Variants in PRMT8 observed in about 807,000 individuals in gnomAD.
PRMT8 encodes the protein protein arginine N-methyltransferase 8.
PRMT8 carries 7 observed loss-of-function variants against 47.1 expected under a neutral mutation model. The observed-to-expected ratio is 0.15, with a 90% CI of 0.08 to 0.28. PRMT8 has a LOEUF of 0.28. Ranked by LOEUF, PRMT8 falls within the 10% of genes least tolerant of loss-of-function variation. The pLI is 1.00. For missense variants in PRMT8, 237 were observed against 505.4 expected (o/e 0.47, Z 5.09); for synonymous variants, 188 against 186.5 (o/e 1.01, Z -0.07).
chr12:3,427,801 C>G (rs865800654), intron 1 of PRMT8, among the ~76,000 whole-genome samples: 2 of 151,956 alleles, frequency 1.3e-5, no homozygotes, highest in Admixed American at 6.6e-5. Flanking sequence ...TACCATATAA[C>G]TTTTTTTTAC....
intron 1 of PRMT8, among the ~76,000 whole-genome samples, chr12:3,427,173 T>A (rs1478122689): frequency 2.0e-5 from 3 of 152,212 alleles, no homozygotes; most frequent in African/African-American, 7.2e-5. Flanking sequence ...ATGATTTTTA[T>A]ACCAGATAAG....
chr12:3,470,902 CA>C (rs2137094940), intron 1 of PRMT8, among the ~76,000 whole-genome samples: 1 of 152,322 alleles, frequency 6.6e-6, no homozygotes, highest in African/African-American at 2.4e-5. Context: ...TTAAAGATGA[CA>C]ATTCAAACCT....
At chr12:3,559,360 T>C (rs1406626187) in intron 4 of PRMT8, among the ~76,000 whole-genome samples, 2 of 152,190 alleles carry the variant, frequency 1.3e-5, no homozygotes, top group East Asian at 3.9e-4. Flanking sequence ...CCACAGCATT[T>C]AGAAACTAAG....
rs1324111950 is a variant in PRMT8 at position 3,491,713 on chromosome 12, G to A, written c.75+13G>A. On this transcript the variant is annotated intron_variant, in intron 1 of 9. Transcript: ENST00000382622. ...CGAGAGCACCGAGGTAAGGAGGCGA[G>A]CGAGCAGGGGCTCTCGGAGACCCCG... 6.2e-7 allele frequency: 1 copy of A among 1,602,908 alleles called. No homozygotes were observed. Among genetic ancestry groups the A allele is most frequent in the Admixed American group, 1.7e-5 (1 of 59,256 alleles).
chr12:3,480,651 T>TA (rs1865264935), intron 1 of PRMT8, among the ~76,000 whole-genome samples: 2 of 151,798 alleles, frequency 1.3e-5, no homozygotes, highest in Admixed American at 1.3e-4. Context: ...CAGTGCTTCC[T>TA]CCCCCCACCG....
rs1866800747 is a variant in PRMT8 at position 3,569,278 on chromosome 12, G to A, written c.625-199G>A. ...CATTTGTCCTATTGACTCCACCTAGGTCCCTTAAATTTTCCTTGCTCCAAA... is the reference window on the plus strand; with the variant it reads ...CATTTGTCCTATTGACTCCACCTAGATCCCTTAAATTTTCCTTGCTCCAAA... On this transcript the variant is annotated intron_variant, in intron 5 of 9. Coordinates refer to ENST00000382622, the MANE Select transcript of PRMT8 (RefSeq NM_019854.5). The surrounding 1 kb of genome is among the most constrained non-coding windows in gnomAD (Gnocchi z 8.2). Among the ~76,000 whole-genome samples the A allele has an allele frequency of 6.6e-6, 1 of 152,096 alleles. No homozygotes were observed. The highest frequency in any genetic ancestry group is 1.5e-5 in the Non-Finnish European group (1 of 68,026).
At chr12:3,510,352 G>A (rs989428466) in intron 1 of PRMT8, among the ~76,000 whole-genome samples, 1 of 152,066 alleles carries the variant, frequency 6.6e-6, no homozygotes, top group Non-Finnish European at 1.5e-5. Context: ...TTGCACTGTA[G>A]GATGACTGCA....
rs998419574 is a variant in PRMT8, at chr12:3,580,949, T to C, written c.829-2109T>C. Among the ~76,000 whole-genome samples, 12 of 152,206 alleles carry C rather than the reference T, an allele frequency of 7.9e-5. No homozygotes were observed. The highest frequency in any genetic ancestry group is 1.8e-4 in the Non-Finnish European group (12 of 68,028). On this transcript the variant is annotated intron_variant, in intron 7 of 9. Coordinates refer to ENST00000382622, the MANE Select transcript of PRMT8 (RefSeq NM_019854.5). This position sits in a 1 kb window ranked among gnomAD's most constrained non-coding sequence, Gnocchi z 4.6. ...GAGGGATAATGAGCATTATGAAGGCTGACATATACTCAGTCTAAAACGTTT... is the reference window on the plus strand; with the variant it reads ...GAGGGATAATGAGCATTATGAAGGCCGACATATACTCAGTCTAAAACGTTT...
intron 8 of PRMT8, among the ~76,000 whole-genome samples, chr12:3,591,152 A>T (rs887908373): frequency 1.9e-4 from 29 of 152,096 alleles, no homozygotes; most frequent in African/African-American, 6.8e-4. Flanking sequence ...CCTCACATTT[A>T]ACTGGAGAAT....
At chr12:3,558,232 T>C (rs1178189758) in intron 4 of PRMT8, among the ~76,000 whole-genome samples, 8 of 151,642 alleles carry the variant, frequency 5.3e-5, no homozygotes, top group Non-Finnish European at 1.2e-4. Context: ...GGCTCTCCCC[T>C]TCCTCCCCTT....
chr12:3,446,592 A>G (rs1864857990), intron 1 of PRMT8, among the ~76,000 whole-genome samples: 1 of 152,016 alleles, frequency 6.6e-6, no homozygotes. Context: ...TCAGACTTCT[A>G]TTGGAAACGG....
intron 1 of PRMT8, among the ~76,000 whole-genome samples, chr12:3,466,187 A>G (rs1205136473): frequency 1.3e-5 from 2 of 152,180 alleles, no homozygotes; most frequent in East Asian, 1.9e-4. Context: ...AATAAGTCAC[A>G]TTTCTTTTCC....
At chr12:3,478,678 G>A (rs1019229110) in intron 1 of PRMT8, among the ~76,000 whole-genome samples, 1 of 152,206 alleles carries the variant, frequency 6.6e-6, no homozygotes, top group Non-Finnish European at 1.5e-5. Flanking sequence ...TTAAAAAGTT[G>A]AAGTCAGGAG....
At chr12:3,446,933 A>T (rs1864861536) in intron 1 of PRMT8, among the ~76,000 whole-genome samples, 1 of 152,216 alleles carries the variant, frequency 6.6e-6, no homozygotes, top group Admixed American at 6.5e-5. Context: ...CTTTGCTGGG[A>T]AAAACAATTC....
intron 1 of PRMT8, among the ~76,000 whole-genome samples, chr12:3,533,264 G>A (rs1362565785): frequency 1.3e-5 from 2 of 152,158 alleles, no homozygotes; most frequent in Admixed American, 6.5e-5. Flanking sequence ...GCAGACGACT[G>A]AAGAATAAAC....
At chr12:3,555,707 G>A (rs1382880682) in intron 4 of PRMT8, among the ~76,000 whole-genome samples, 1 of 152,248 alleles carries the variant, frequency 6.6e-6, no homozygotes, top group East Asian at 1.9e-4. Flanking sequence ...GAGAGGGGCT[G>A]CAGCAGGAAC....
At chr12:3,444,998 G>A (rs1330546837) in intron 1 of PRMT8, among the ~76,000 whole-genome samples, 2 of 152,190 alleles carry the variant, frequency 1.3e-5, no homozygotes, top group Non-Finnish European at 2.9e-5. Context: ...GGGGAAGGGA[G>A]GGCTTTGTGC....
chr12:3,478,311 C>CTAT (rs1865238549), intron 1 of PRMT8, among the ~76,000 whole-genome samples: 2 of 115,032 alleles, frequency 1.7e-5, no homozygotes, highest in East Asian at 2.6e-4. Flanking sequence ...TATCTATCTA[C>CTAT]CTACCTATCT....
intron 1 of PRMT8, among the ~76,000 whole-genome samples, chr12:3,512,466 A>T (rs1174059681): frequency 6.6e-6 from 1 of 151,926 alleles, no homozygotes; most frequent in East Asian, 1.9e-4. Flanking sequence ...CAATTTGCTC[A>T]TCTGCTTCTC....
Sources: allele counts gnomAD v4.1 joint callset (sites outside exome capture counted in the v4.1 genomes callset), GRCh38; gene constraint gnomAD v4.1.1; non-coding constraint Gnocchi (gnomAD v3.1); transcripts MANE v1.5; gene names NCBI Gene and HGNC (gene_info 2026-07-23, HGNC 2026-07-21).